SYNE3: variants seen among roughly 807,000 people sequenced by gnomAD.
SYNE3 encodes spectrin repeat containing nuclear envelope family member 3.
A neutral mutation model predicts 111.2 loss-of-function variants in SYNE3; 100 were observed. The ratio of observed to expected loss-of-function variants is 0.90; its 90% CI spans 0.77 to 1.06. SYNE3 has a LOEUF of 1.06. SYNE3 is among the 50% of genes least tolerant of loss of function. The pLI is 0.00. For synonymous variants in SYNE3, 547 were observed against 533.9 expected, an observed-to-expected ratio of 1.02 and a Z score of -0.34; for missense variants, 1,160 against 1,240.3, an observed-to-expected ratio of 0.94 and a Z score of 0.97.
chr14:95,433,550 C>A, intron 15 of SYNE3, 141 bp from the exon 16 acceptor site: 1 of 1,210,024 alleles, frequency 8.3e-7, no homozygotes, highest in Non-Finnish European at 1.1e-6. Flanking sequence ...AAGTGGGACT[C>A]CCATCTGTGC....
In SYNE3 at chr14:95,422,012, G is replaced by A. The variant is rs148188943; in HGVS notation, c.2728-3986C>T. On this transcript the variant is annotated intron_variant, in intron 17 of 17. Transcript: ENST00000682763. ...TGGATCACTGATTAAGATCTGTGCTGCCCTTAACTCCTCGGAGGCGGGGTC... is the reference window on the plus strand; with the variant it reads ...TGGATCACTGATTAAGATCTGTGCTACCCTTAACTCCTCGGAGGCGGGGTC... Among the ~76,000 whole-genome samples, 302 of 152,300 alleles carry A rather than the reference G, an allele frequency of 2.0e-3. 1 individual carries two copies. The highest frequency in any genetic ancestry group is 6.5e-3 in the African/African-American group (270 of 41,564).
intron 4 of SYNE3, among the ~76,000 whole-genome samples, chr14:95,462,964 T>C (rs770761429): frequency 6.6e-6 from 1 of 152,162 alleles, no homozygotes; most frequent in African/African-American, 2.4e-5. Flanking sequence ...GAGACCAGCC[T>C]GACCAACATG....
At chr14:95,460,245 C>A (rs1887705647) in intron 4 of SYNE3, among the ~76,000 whole-genome samples, 1 of 151,996 alleles carries the variant, frequency 6.6e-6, no homozygotes, top group Admixed American at 6.6e-5. Context: ...CACTCTGTTG[C>A]CTAGACTGGA....
chr14:95,472,240 G>T (rs1416272286), intron 2 of SYNE3, among the ~76,000 whole-genome samples: 1 of 152,224 alleles, frequency 6.6e-6, no homozygotes, highest in Non-Finnish European at 1.5e-5. Context: ...AAACACCAGG[G>T]TGCTCCTGAC....
rs1337108935 is a variant in SYNE3, at chr14:95,414,679, T to G, written c.*3147A>C. ...CCCTCCTCTCCTTCCCTCCTCTCTC[T>G]CTCTCTGACACACACACACACACAC... On this transcript the variant is annotated 3_prime_UTR_variant, in exon 18 of 18. Coordinates refer to ENST00000682763, the MANE Select transcript of SYNE3 (RefSeq NM_152592.6). 1 of 140,114 alleles carries G rather than the reference T, an allele frequency of 7.1e-6. No homozygotes were observed. The highest frequency in any genetic ancestry group is 1.5e-5 in the Non-Finnish European group (1 of 66,548). 8.7% of individuals were successfully genotyped at this position (140,114 alleles called of 1,614,324 possible).
chr14:95,459,620 G>A (rs920668159), intron 4 of SYNE3, among the ~76,000 whole-genome samples: 6 of 152,174 alleles, frequency 3.9e-5, no homozygotes, highest in African/African-American at 1.4e-4. Context: ...ACGGGTAAGT[G>A]CATCTGAAAA....
At position 95,435,635 on chromosome 14, in the gene SYNE3, G is replaced by A. The variant is rs562242758; in HGVS notation, c.2538+1185C>T. Among the ~76,000 whole-genome samples the A allele has an allele frequency of 2.2e-3, 340 of 152,242 alleles. 2 individuals carry two copies. The highest frequency in any genetic ancestry group is 7.8e-3 in the African/African-American group (323 of 41,556). On this transcript the variant is annotated intron_variant, in intron 15 of 17. Coordinates refer to ENST00000682763, the MANE Select transcript of SYNE3 (RefSeq NM_152592.6). Reference sequence around the variant, plus strand: ...AGAGAAAAAAAAATAAGGTTAGAGAGTTTTCCAGAAAGATCCTAGACCACA... The same window carrying A: ...AGAGAAAAAAAAATAAGGTTAGAGAATTTTCCAGAAAGATCCTAGACCACA...
At chr14:95,482,718 T>C (rs1205778746) in intron 1 of SYNE3, among the ~76,000 whole-genome samples, 1 of 152,140 alleles carries the variant, frequency 6.6e-6, no homozygotes. Flanking sequence ...GGTCCACCAA[T>C]GACAGTAAAA....
chr14:95,446,801 CT>C (rs1886746704), intron 8 of SYNE3, among the ~76,000 whole-genome samples: 1 of 152,182 alleles, frequency 6.6e-6, no homozygotes, highest in East Asian at 1.9e-4. Flanking sequence ...GCCCTACCTC[CT>C]CCAGGAAGCC....
Position 95,417,561 on chromosome 14 carries a change from C to T in SYNE3, c.*265G>A, listed in dbSNP as rs1903619494. On this transcript the variant is annotated 3_prime_UTR_variant, in exon 18 of 18. Transcript: ENST00000682763. ...AATAGAACTCGTATATGAAATTATA[C>T]ATACTGAGCATTTACATACAGATCA... 1.6e-5 allele frequency: 8 copies of T among 515,510 alleles called. No homozygotes were observed. Among genetic ancestry groups the T allele is most frequent in the Non-Finnish European group, 2.8e-5 (8 of 285,314 alleles). The allele number at this position is 515,510 out of a possible 1,614,324, so 31.9% of individuals were successfully genotyped here.
chr14:95,515,162 C>T (rs1890868857), intron 1 of SYNE3, among the ~76,000 whole-genome samples: 1 of 152,234 alleles, frequency 6.6e-6, no homozygotes, highest in African/African-American at 2.4e-5. Context: ...AATAAGACAT[C>T]CCAGCCCACT....
intron 11 of SYNE3, among the ~76,000 whole-genome samples, chr14:95,440,844 G>T (rs1287173088): frequency 6.6e-6 from 1 of 152,234 alleles, no homozygotes; most frequent in Non-Finnish European, 1.5e-5. Flanking sequence ...CTGTGTTTTA[G>T]TTGGGTGCTG....
intron 5 of SYNE3, chr14:95,455,957 C>T: frequency 3.9e-6 from 2 of 511,202 alleles, no homozygotes; most frequent in Non-Finnish European, 6.9e-6. Flanking sequence ...TTGATTAAGT[C>T]AAGGAGAAAG....
In SYNE3 at chr14:95,475,698, C is replaced by A. The variant is rs1245147199; in HGVS notation, c.124G>T (p.Ala42Ser). The change falls in exon 2 of 18, where the codon GCC becomes TCC. Residue 42 changes from alanine to serine, a missense_variant. Ala to Ser is a moderately conservative substitution (Grantham distance 99). Coordinates refer to ENST00000682763, the MANE Select transcript of SYNE3 (RefSeq NM_152592.6). Reference protein sequence around the residue: ...NTQGPRAALEARLWETEKICQ... With the variant: ...NTQGPRAALESRLWETEKICQ... Reference sequence around the variant, plus strand: ...CATACCTCGGTCTCCCACAGCCTGGCCTCCAGGGCCGCGCGGGGTCCCTGC... The same window carrying A: ...CATACCTCGGTCTCCCACAGCCTGGACTCCAGGGCCGCGCGGGGTCCCTGC... The A allele has an allele frequency of 1.2e-5, 19 of 1,582,616 alleles. No individual in the cohort carries two copies. Among genetic ancestry groups the A allele is most frequent in the Non-Finnish European group, 1.6e-5 (19 of 1,166,218 alleles).
chr14:95,439,345 A>G lies in SYNE3; in HGVS notation c.2247-183T>C, dbSNP rs556937367. On this transcript the variant is annotated intron_variant, in intron 13 of 17. Coordinates refer to ENST00000682763, the MANE Select transcript of SYNE3 (RefSeq NM_152592.6). ...GACTTTAAACTCAGAGTAACCTGTC[A>G]TGAACGTGCGTACGCCCATAGATGC... Among the ~76,000 whole-genome samples, 5 of 152,374 alleles carry G rather than the reference A, an allele frequency of 3.3e-5. No homozygotes were observed. The South Asian group carries it at 1.0e-3, about 32-fold the overall frequency.
intron 1 of SYNE3, among the ~76,000 whole-genome samples, chr14:95,511,551 AT>A (rs112718673): frequency 0.016 from 2,446 of 151,910 alleles, 72 homozygotes; most frequent in African/African-American, 0.056. Context: ...ATACAAAAAA[AT>A]AATAATAATA....
chr14:95,417,616 C>T lies in SYNE3; in HGVS notation c.*210G>A, dbSNP rs548409153. On this transcript the variant is annotated 3_prime_UTR_variant, in exon 18 of 18. Transcript: ENST00000682763. ...AAAATTCTAGACATTATTCCCTAGT[C>T]ACATGTAGTACACATTTAGTATAAA... is the stretch of plus-strand genomic sequence containing the variant. The T allele has an allele frequency of 4.5e-4, 269 of 599,626 alleles. No individual in the cohort carries two copies. The highest frequency in any genetic ancestry group is 4.3e-3 in the African/African-American group (231 of 53,994). The allele number at this position is 599,626 out of a possible 1,614,324, so 37.1% of individuals were successfully genotyped here.
chr14:95,500,675 C>T lies in SYNE3; in HGVS notation c.-15+15921G>A, dbSNP rs1206606338. On this transcript the variant is annotated intron_variant, in intron 1 of 17. Coordinates refer to ENST00000682763, the MANE Select transcript of SYNE3 (RefSeq NM_152592.6). The surrounding 1 kb of genome is among the most constrained non-coding windows in gnomAD (Gnocchi z 4.7). ...ACCACCTTCATGATTCCCGCTGATC[C>T]TCTCCCTGACCACCCGTGGGACAGT... 1.3e-5 allele frequency among the ~76,000 whole-genome samples: 2 copies of T among 152,208 alleles called. No individual in the cohort carries two copies. Among genetic ancestry groups the T allele is most frequent in the African/African-American group, 4.8e-5 (2 of 41,446 alleles).
intron 1 of SYNE3, among the ~76,000 whole-genome samples, chr14:95,512,434 A>G (rs1305127367): frequency 6.6e-6 from 1 of 152,194 alleles, no homozygotes; most frequent in East Asian, 1.9e-4. Context: ...CATGCCTGTA[A>G]TCCCAGCTAC....
Sources: allele counts gnomAD v4.1 joint callset (sites outside exome capture counted in the v4.1 genomes callset), GRCh38; gene constraint gnomAD v4.1.1; non-coding constraint Gnocchi (gnomAD v3.1); transcripts MANE v1.5; gene names NCBI Gene and HGNC (gene_info 2026-07-23, HGNC 2026-07-21).